Variants in PLEKHH2 observed in about 807,000 individuals in gnomAD.
The protein encoded by PLEKHH2 is pleckstrin homology, MyTH4 and FERM domain containing H2, also known as pleckstrin homology domain-containing family H member 2.
A neutral mutation model predicts 187.9 loss-of-function variants in PLEKHH2; 129 were observed. The ratio of observed to expected loss-of-function variants is 0.69; its 90% CI spans 0.59 to 0.79. The LOEUF (loss-of-function observed/expected upper bound fraction) is 0.79. Ranked by LOEUF, PLEKHH2 falls within the 30% of genes least tolerant of loss-of-function variation. The pLI is 0.00. For missense variants in PLEKHH2, 2,076 were observed against 1,751.2 expected, an observed-to-expected ratio of 1.19 and a Z score of -3.31; for synonymous variants, 686 against 605.6, an observed-to-expected ratio of 1.13 and a Z score of -1.95.
chr2:43,659,880 T>G (rs13424263), intron 2 of PLEKHH2, among the ~76,000 whole-genome samples: 1 of 152,128 alleles, frequency 6.6e-6, no homozygotes, highest in Non-Finnish European at 1.5e-5. Context: ...TTTTAAAAAT[T>G]TTTTTTGGTC....
intron 20 of PLEKHH2, 122 bp downstream of exon 20, chr2:43,738,642 T>A (rs564045286): frequency 3.2e-6 from 3 of 930,294 alleles, no homozygotes; most frequent in Non-Finnish European, 4.6e-6. Context: ...GAAAAATAGG[T>A]ATTAATATTT....
chr2:43,685,421 T>C (rs528422088), intron 3 of PLEKHH2, among the ~76,000 whole-genome samples: 1 of 152,170 alleles, frequency 6.6e-6, no homozygotes, highest in African/African-American at 2.4e-5. Context: ...TTCTAGTACA[T>C]CTTTTTTTTG....
intron 18 of PLEKHH2, 124 bp downstream of exon 18, chr2:43,729,869 C>A: frequency 1.8e-6 from 1 of 547,910 alleles, no homozygotes; most frequent in South Asian, 3.6e-5. Context: ...CTTTTCATTG[C>A]CTTTGCTCAT....
At chr2:43,753,928 G>A (rs1672102113) in intron 25 of PLEKHH2, among the ~76,000 whole-genome samples, 168 bp downstream of exon 25, 1 of 152,072 alleles carries the variant, frequency 6.6e-6, no homozygotes, top group Non-Finnish European at 1.5e-5. Context: ...CTAAACTGCT[G>A]ACAATTGCAA....
At chr2:43,644,274 A>C (rs899526301) in intron 1 of PLEKHH2, among the ~76,000 whole-genome samples, 22 of 151,890 alleles carry the variant, frequency 1.4e-4, no homozygotes, top group Non-Finnish European at 7.4e-5. Context: ...CACAGCTAAA[A>C]TAATAACACT....
chr2:43,707,137 A>G (rs1451565141), intron 10 of PLEKHH2, among the ~76,000 whole-genome samples: 2 of 149,970 alleles, frequency 1.3e-5, no homozygotes, highest in Non-Finnish European at 2.9e-5. Flanking sequence ...CGGAGGTTGC[A>G]GTGAACCGAG....
At chr2:43,726,221 A>G in intron 16 of PLEKHH2, 51 bp from the exon 17 acceptor site, 1 of 1,271,930 alleles carries the variant, frequency 7.9e-7, no homozygotes, top group Non-Finnish European at 1.1e-6. Flanking sequence ...ATGTTTTAGT[A>G]GGAAAAGATT....
In PLEKHH2 at chr2:43,694,594, C is replaced by G. The variant is rs1259273030; in HGVS notation, c.420+80C>G. The G allele has an allele frequency of 3.6e-6, 5 of 1,380,270 alleles. No individual in the cohort carries two copies. The East Asian group carries it at 8.2e-5, about 23-fold the overall frequency. The allele number at this position is 1,380,270 out of a possible 1,614,324, so 85.5% of individuals were successfully genotyped here. A position where few individuals can be genotyped will look rare whatever the true frequency, so the allele number is the denominator to read the frequency against. ...TACATCATCAGAATATGTGATTACT[C>G]TGAGTAAAACAAAGAATTTTGATCG... On this transcript the variant is annotated intron_variant, in intron 5 of 29. Transcript: ENST00000282406.
At chr2:43,670,015 T>A (rs6704736) in intron 2 of PLEKHH2, among the ~76,000 whole-genome samples, 61,713 of 152,004 alleles carry the variant, frequency 0.41, 13,230 homozygotes, top group Non-Finnish European at 0.49. Flanking sequence ...AAGCAAAATA[T>A]TGCATATTGA....
At chr2:43,702,729 T>A (rs1000162394) in intron 8 of PLEKHH2, among the ~76,000 whole-genome samples, 3 of 152,150 alleles carry the variant, frequency 2.0e-5, no homozygotes, top group East Asian at 1.9e-4. Flanking sequence ...GAGTTTATTT[T>A]AAAAATTTCT....
chr2:43,641,277 C>T (rs1280738683), intron 1 of PLEKHH2, among the ~76,000 whole-genome samples: 4 of 151,988 alleles, frequency 2.6e-5, no homozygotes, highest in Non-Finnish European at 5.9e-5. Flanking sequence ...TTATGAAGTC[C>T]AATTTATCTA....
intron 16 of PLEKHH2, among the ~76,000 whole-genome samples, chr2:43,725,715 A>G (rs1670705554): frequency 6.6e-6 from 1 of 152,212 alleles, no homozygotes. Context: ...TTAAATCTCT[A>G]ATATGTATAT....
rs150396145 is a variant in PLEKHH2 at position 43,682,993 on chromosome 2, A to G, written c.186+4068A>G. Among the ~76,000 whole-genome samples, 658 of 151,958 alleles carry G rather than the reference A, an allele frequency of 4.3e-3. 5 individuals are homozygous for G. The highest frequency in any genetic ancestry group is 0.015 in the African/African-American group (611 of 41,408). On this transcript the variant is annotated intron_variant, in intron 3 of 29. Transcript: ENST00000282406. ...TTTATCCATTTGACTTTTTATGGACATTGTCTTTTTATGGACTTTCACTGC... is the reference window on the plus strand; with the variant it reads ...TTTATCCATTTGACTTTTTATGGACGTTGTCTTTTTATGGACTTTCACTGC...
At chr2:43,755,312 T>G (rs751532540) in intron 25 of PLEKHH2, among the ~76,000 whole-genome samples, 1 of 152,200 alleles carries the variant, frequency 6.6e-6, no homozygotes, top group Non-Finnish European at 1.5e-5. Flanking sequence ...TCCCTCACTT[T>G]GGCCCTTTTC....
At chr2:43,668,036 T>C (rs1158885321) in intron 2 of PLEKHH2, among the ~76,000 whole-genome samples, 1 of 152,142 alleles carries the variant, frequency 6.6e-6, no homozygotes, top group Non-Finnish European at 1.5e-5. Flanking sequence ...TTTTTTGTTG[T>C]TGTTGTTGTT....
chr2:43,679,010 A>T, intron 3 of PLEKHH2, 85 bp downstream of exon 3: 1 of 848,556 alleles, frequency 1.2e-6, no homozygotes, highest in South Asian at 1.6e-5. Flanking sequence ...GACAATTATC[A>T]GCCCACCTCT....
In PLEKHH2 at chr2:43,710,514, G is replaced by C; in HGVS notation, c.2240G>C (p.Gly747Ala). 1 of 1,598,170 alleles carries C rather than the reference G, an allele frequency of 6.3e-7. No homozygotes were observed. Among genetic ancestry groups the C allele is most frequent in the Non-Finnish European group, 8.5e-7 (1 of 1,176,454 alleles). ...SPSDVIRKPQ[G>A]HIELSASCSI... ...AGTGATGTAATTAGAAAACCCCAGG[G>C]CCATATTGAACTTAGTGCATCCTGT... The change falls in exon 14 of 30, where the codon GGC (glycine) becomes GCC (alanine). Residue 747 changes from glycine to alanine, a missense_variant. Coordinates refer to ENST00000282406, the MANE Select transcript of PLEKHH2 (RefSeq NM_172069.4).
chr2:43,666,212 A>G (rs552378276), intron 2 of PLEKHH2, among the ~76,000 whole-genome samples: 3 of 150,506 alleles, frequency 2.0e-5, no homozygotes, highest in Non-Finnish European at 4.4e-5. Context: ...AAAGCGCAGT[A>G]TTCGGGTGGG....
intron 19 of PLEKHH2, among the ~76,000 whole-genome samples, chr2:43,734,629 G>A (rs1446166289): frequency 2.6e-5 from 4 of 152,174 alleles, no homozygotes; most frequent in African/African-American, 9.7e-5. Flanking sequence ...CAGAGAAAGA[G>A]GAAAACTCAT....
Sources: gnomAD v4.1 joint callset for allele counts (sites outside exome capture counted in the v4.1 genomes callset) on GRCh38, gnomAD v4.1.1 for gene constraint, MANE v1.5 for transcripts, NCBI Gene and HGNC (gene_info 2026-07-23, HGNC 2026-07-21) for gene names.